RAP1GDS1: variants seen among roughly 807,000 people sequenced by gnomAD.
The protein encoded by RAP1GDS1 is RAP1, GTP-GDP dissociation stimulator 1.
Under a neutral mutation model 71.1 loss-of-function variants are expected in RAP1GDS1, and 35 were observed. The observed-to-expected ratio is 0.49, with a 90% CI of 0.38 to 0.65. The LOEUF (loss-of-function observed/expected upper bound fraction) is 0.65, where lower values mean the gene tolerates loss of function less well. RAP1GDS1 is among the 30% of genes least tolerant of loss of function. RAP1GDS1 has a pLI of 0.00. For synonymous variants in RAP1GDS1, 229 were observed against 243.1 expected, an observed-to-expected ratio of 0.94 and a Z score of 0.54; for missense variants, 663 against 706.1, an observed-to-expected ratio of 0.94 and a Z score of 0.69.
intron 1 of RAP1GDS1, among the ~76,000 whole-genome samples, chr4:98,274,462 T>G (rs1723924640): frequency 6.6e-6 from 1 of 152,180 alleles, no homozygotes; most frequent in South Asian, 2.1e-4. Flanking sequence ...CAATGATACA[T>G]GATAAATTGT....
intron 4 of RAP1GDS1, among the ~76,000 whole-genome samples, chr4:98,371,894 A>C (rs1740439078): frequency 6.6e-6 from 1 of 152,216 alleles, no homozygotes; most frequent in Non-Finnish European, 1.5e-5. Flanking sequence ...AATTATAGAC[A>C]GCATGGTTGG....
intron 1 of RAP1GDS1, among the ~76,000 whole-genome samples, chr4:98,287,289 C>G (rs1203776416): frequency 6.6e-6 from 1 of 152,128 alleles, no homozygotes; most frequent in Non-Finnish European, 1.5e-5. Context: ...CAAAAATAAT[C>G]TCATAAATAG....
intron 2 of RAP1GDS1, among the ~76,000 whole-genome samples, chr4:98,298,234 A>G (rs185053112): frequency 2.0e-3 from 303 of 152,348 alleles, no homozygotes; most frequent in African/African-American, 7.2e-3. Flanking sequence ...GCAGCTGCTG[A>G]TGGAGAAGCT....
chr4:98,398,299 CAGAG>C (rs1008113302), intron 6 of RAP1GDS1, among the ~76,000 whole-genome samples: 1 of 151,214 alleles, frequency 6.6e-6, no homozygotes, highest in Non-Finnish European at 1.5e-5. Flanking sequence ...GAAAAGTTAA[CAGAG>C]AGGAGGAAAT....
At chr4:98,441,004 A>AT (rs1751786992) in intron 14 of RAP1GDS1, among the ~76,000 whole-genome samples, 1 of 152,170 alleles carries the variant, frequency 6.6e-6, no homozygotes, top group East Asian at 1.9e-4. Flanking sequence ...AAGTTGTAGG[A>AT]TTTTGTACCA....
At chr4:98,290,070 T>A (rs1726706962) in intron 1 of RAP1GDS1, among the ~76,000 whole-genome samples, 1 of 152,090 alleles carries the variant, frequency 6.6e-6, no homozygotes, top group South Asian at 2.1e-4. Flanking sequence ...TGTGTACTTG[T>A]CTCCTGTCGG....
intron 3 of RAP1GDS1, among the ~76,000 whole-genome samples, chr4:98,344,893 C>T (rs7693668): frequency 5.6e-4 from 85 of 152,246 alleles, no homozygotes; most frequent in African/African-American, 2.0e-3. Flanking sequence ...GGCAGGATCA[C>T]GGTTCACTGC....
chr4:98,272,645 G>A (rs567398402), intron 1 of RAP1GDS1, among the ~76,000 whole-genome samples: 2 of 152,110 alleles, frequency 1.3e-5, no homozygotes, highest in South Asian at 4.2e-4. Context: ...TGGTTTCACC[G>A]GGATTCAGAA....
intron 1 of RAP1GDS1, among the ~76,000 whole-genome samples, chr4:98,275,431 A>G (rs1407444006): frequency 4.6e-5 from 7 of 152,208 alleles, no homozygotes; most frequent in Non-Finnish European, 8.8e-5. Context: ...GCTATAGGCA[A>G]TGCACAAAGG....
At position 98,421,239 on chromosome 4, in the gene RAP1GDS1, G is replaced by T. The variant is rs1007015987; in HGVS notation, c.1301-16G>T. On this transcript the variant is annotated splice_polypyrimidine_tract_variant and intron_variant, in intron 11 of 14. Transcript: ENST00000408927. The stretch of plus-strand genomic sequence containing the variant: ...CTGTTAGTGATTCATTCCTTGGTTT[G>T]CCTTCTTTCCTATAGCAGAAGCTGC... The T allele has an allele frequency of 3.1e-6, 5 of 1,593,512 alleles. No individual in the cohort carries two copies. The highest frequency in any genetic ancestry group is 1.7e-5 in the Admixed American group (1 of 57,972).
intron 7 of RAP1GDS1, among the ~76,000 whole-genome samples, chr4:98,411,797 A>G (rs2110170656): frequency 6.6e-6 from 1 of 152,280 alleles, no homozygotes; most frequent in Middle Eastern, 3.4e-3. Flanking sequence ...CACGAAGGAG[A>G]GTGATTTCAG....
At chr4:98,269,610 T>C (rs528631340) in intron 1 of RAP1GDS1, among the ~76,000 whole-genome samples, 9 of 152,262 alleles carry the variant, frequency 5.9e-5, no homozygotes, top group Middle Eastern at 3.4e-3. Context: ...CAGGAACTCA[T>C]ACAACTCAGT....
chr4:98,371,998 A>G (rs991990993), intron 4 of RAP1GDS1, among the ~76,000 whole-genome samples: 24 of 152,122 alleles, frequency 1.6e-4, no homozygotes, highest in Non-Finnish European at 3.4e-4. Context: ...TTGGCTTCAA[A>G]TCTACCATCT....
chr4:98,292,130 CT>C (rs139869872), intron 1 of RAP1GDS1, among the ~76,000 whole-genome samples: 203 of 139,510 alleles, frequency 1.5e-3, no homozygotes, highest in Admixed American at 1.7e-3. Context: ...TTTTTTTTTC[CT>C]TTTTTTTTTT....
At chr4:98,338,535 C>G (rs1735017328) in intron 2 of RAP1GDS1, among the ~76,000 whole-genome samples, 1 of 152,112 alleles carries the variant, frequency 6.6e-6, no homozygotes, top group Non-Finnish European at 1.5e-5. Context: ...ATCCATGGCC[C>G]CCCTTTGATT....
rs148181764 is a variant in RAP1GDS1, at chr4:98,359,068, A to G, written c.361+6467A>G. On this transcript the variant is annotated intron_variant, in intron 4 of 14. Coordinates refer to ENST00000408927, the MANE Select transcript of RAP1GDS1 (RefSeq NM_001100427.2). ...AGGCATACACATAAAATTTTACAGC[A>G]TAGCTCACAGCAGTAATTTTAATGA... Among the ~76,000 whole-genome samples the G allele has an allele frequency of 3.9e-3, 597 of 152,250 alleles. 5 individuals are homozygous for G. The highest frequency in any genetic ancestry group is 0.014 in the African/African-American group (566 of 41,560).
chr4:98,282,048 A>G (rs1288060289), intron 1 of RAP1GDS1, among the ~76,000 whole-genome samples: 1 of 152,198 alleles, frequency 6.6e-6, no homozygotes, highest in African/African-American at 2.4e-5. Flanking sequence ...GATGTTCATC[A>G]GGGATATTAG....
chr4:98,401,066 C>T (rs2110147563), intron 6 of RAP1GDS1, among the ~76,000 whole-genome samples: 1 of 152,194 alleles, frequency 6.6e-6, no homozygotes, highest in Non-Finnish European at 1.5e-5. Context: ...AAACGAAATC[C>T]AACAAGAATC....
At chr4:98,397,985 C>G (rs917136424) in intron 6 of RAP1GDS1, among the ~76,000 whole-genome samples, 15 of 152,098 alleles carry the variant, frequency 9.9e-5, no homozygotes, top group African/African-American at 3.6e-4. Context: ...TATAGGGAAT[C>G]TTGCAGTCAA....
Sources: gnomAD v4.1 joint callset for allele counts (sites outside exome capture counted in the v4.1 genomes callset) on GRCh38, gnomAD v4.1.1 for gene constraint, MANE v1.5 for transcripts, NCBI Gene and HGNC (gene_info 2026-07-23, HGNC 2026-07-21) for gene names.